The following WDFY4 variants were observed in gnomAD, a reference collection of about 807,000 sequenced individuals.
The protein encoded by WDFY4 is WD repeat- and FYVE domain-containing protein 4.
Under a neutral mutation model 351.9 loss-of-function variants are expected in WDFY4, and 169 were observed. The observed-to-expected ratio is 0.48, with a 90% CI of 0.42 to 0.55. The LOEUF is 0.55. WDFY4 is among the 20% of genes least tolerant of loss of function. The probability of loss-of-function intolerance (pLI) is 0.00; values close to 1 mark genes in which losing one functional copy is unlikely to be tolerated. For missense variants in WDFY4, 3,803 were observed against 3,935.6 expected (o/e 0.97, Z 0.90); for synonymous variants, 1,622 against 1,574.6 (o/e 1.03, Z -0.71).
intron 44 of WDFY4, among the ~76,000 whole-genome samples, chr10:48,896,235 T>G (rs1837070138): frequency 6.6e-6 from 1 of 152,210 alleles, no homozygotes; most frequent in Non-Finnish European, 1.5e-5. Context: ...CAAAGGATAT[T>G]TGCTGTGGTT....
At chr10:48,869,830 G>A (rs1247842931) in intron 40 of WDFY4, among the ~76,000 whole-genome samples, 1 of 151,956 alleles carries the variant, frequency 6.6e-6, no homozygotes, top group African/African-American at 2.4e-5. Context: ...CTCTCTTCTA[G>A]GGCCTCTAGT....
chr10:48,805,290 C>T lies in WDFY4; in HGVS notation c.4515C>T (p.His1505=). 1.9e-6 allele frequency: 3 copies of T among 1,546,290 alleles called. No individual in the cohort carries two copies. Among genetic ancestry groups the T allele is most frequent in the Non-Finnish European group, 2.6e-6 (3 of 1,146,966 alleles). Residue 1505 remains histidine (H), a synonymous_variant, in exon 26 of 62, where the codon CAC becomes CAT. Transcript: ENST00000325239. ...REGPRNAEAA[H]QAQLIPKLIF... ...GACCCAGGAATGCTGAAGCTGCCCA[C>T]CAGGCACAGCTTATACCCAAGCTCA...
At chr10:48,955,866 G>A (rs1841565709) in intron 51 of WDFY4, among the ~76,000 whole-genome samples, 1 of 152,142 alleles carries the variant, frequency 6.6e-6, no homozygotes, top group Admixed American at 6.5e-5. Flanking sequence ...CACTGCTGTG[G>A]CCCTGCCCCT....
chr10:48,805,510 T>A (rs2132871097), intron 26 of WDFY4, 89 bp downstream of exon 26: 1 of 1,458,710 alleles, frequency 6.9e-7, no homozygotes, highest in South Asian at 1.3e-5. Flanking sequence ...CCCATTGTGC[T>A]CAACCCTGAA....
At chr10:48,897,318 C>A (rs922533924) in intron 44 of WDFY4, 136 bp from the exon 45 acceptor site, 1 of 1,248,522 alleles carries the variant, frequency 8.0e-7, no homozygotes, top group Non-Finnish European at 1.1e-6. Flanking sequence ...CACTGGTTGG[C>A]AGTGACCACC....
intron 13 of WDFY4, among the ~76,000 whole-genome samples, chr10:48,773,631 G>A (rs564443680): frequency 5.3e-5 from 8 of 152,340 alleles, no homozygotes; most frequent in African/African-American, 1.7e-4. Context: ...TAAGATAAGA[G>A]CACAGCTATT....
chr10:48,950,795 A>T lies in WDFY4; in HGVS notation c.7977+3826A>T, dbSNP rs151211258. 7.9e-5 allele frequency among the ~76,000 whole-genome samples: 12 copies of T among 152,326 alleles called. No homozygotes were observed. The East Asian group carries it at 2.1e-3, about 27-fold the overall frequency. ...CACAGGTGCACAGGCATGCAGTGTG[A>T]CATGTAGGCAGTCACCCGGTACTGC... On this transcript the variant is annotated intron_variant, in intron 51 of 61. Transcript: ENST00000325239.
At chr10:48,757,089 C>A (rs1465853937) in intron 12 of WDFY4, among the ~76,000 whole-genome samples, 1 of 152,042 alleles carries the variant, frequency 6.6e-6, no homozygotes, top group Non-Finnish European at 1.5e-5. Context: ...AGGTTTTTAG[C>A]TACATATTCG....
intron 54 of WDFY4, among the ~76,000 whole-genome samples, chr10:48,964,643 G>C (rs1841998874): frequency 6.6e-6 from 1 of 152,226 alleles, no homozygotes; most frequent in South Asian, 2.1e-4. Flanking sequence ...CCTTCTACCT[G>C]CCAGGCCTCT....
Position 48,890,637 on chromosome 10 carries a change from T to G in WDFY4, c.7226T>G (p.Leu2409Arg). 6.4e-7 allele frequency: 1 copy of G among 1,551,736 alleles called. No homozygotes were observed. Among genetic ancestry groups the G allele is most frequent in the Non-Finnish European group, 8.7e-7 (1 of 1,146,994 alleles). ...GGCCACCTGGTGTCAGAAGGGGTCC[T>G]GCTTTTTGGCCACCAACACTTCTAC... ...VQGHLVSEGV[L>R]LFGHQHFYIC... Residue 2409 changes from leucine to arginine, a missense_variant, in exon 44 of 62, where the codon CTG becomes CGG. Transcript: ENST00000325239.
intron 54 of WDFY4, among the ~76,000 whole-genome samples, chr10:48,965,976 A>G (rs74514347): frequency 0.031 from 4,794 of 152,276 alleles, 78 homozygotes; most frequent in Middle Eastern, 0.082. Flanking sequence ...AAAATTTGGC[A>G]TTAGGCACAA....
intron 38 of WDFY4, 73 bp downstream of exon 38, chr10:48,830,958 T>A (rs1565249436): frequency 6.8e-7 from 1 of 1,461,456 alleles, no homozygotes; most frequent in Non-Finnish European, 9.2e-7. Context: ...AAGGTTCAAC[T>A]CAGTGCCTAG....
intron 29 of WDFY4, 89 bp downstream of exon 29, chr10:48,810,824 C>A (rs1205413230): frequency 7.6e-7 from 1 of 1,310,050 alleles, no homozygotes; most frequent in Non-Finnish European, 1.0e-6. Flanking sequence ...TTATTTGAGA[C>A]CATCACAGCT....
At chr10:48,687,865 T>A (rs2063095193) in intron 1 of WDFY4, among the ~76,000 whole-genome samples, 1 of 150,700 alleles carries the variant, frequency 6.6e-6, no homozygotes, top group Admixed American at 6.7e-5. Flanking sequence ...CACTGCAACC[T>A]CCACCTCCCA....
intron 46 of WDFY4, among the ~76,000 whole-genome samples, chr10:48,901,403 A>G (rs1448349917): frequency 6.6e-6 from 1 of 152,180 alleles, no homozygotes; most frequent in Non-Finnish European, 1.5e-5. Context: ...AAGGTGGCCT[A>G]ATGCAGACTC....
intron 12 of WDFY4, among the ~76,000 whole-genome samples, chr10:48,752,049 C>T (rs897965287): frequency 1.7e-4 from 26 of 152,154 alleles, no homozygotes; most frequent in South Asian, 2.1e-4. Flanking sequence ...CCCACAGGTC[C>T]CTTGCGAGAT....
intron 47 of WDFY4, among the ~76,000 whole-genome samples, chr10:48,907,914 C>T (rs17011437): frequency 0.13 from 19,504 of 152,204 alleles, 1,390 homozygotes; most frequent in Middle Eastern, 0.21. Context: ...GGACCAGAGG[C>T]GAACGGCACC....
intron 57 of WDFY4, among the ~76,000 whole-genome samples, chr10:48,972,070 T>A (rs1260091608): frequency 1.3e-5 from 2 of 152,166 alleles, no homozygotes; most frequent in Non-Finnish European, 2.9e-5. Context: ...CTCATAAAAA[T>A]GTAATTTATC....
chr10:48,961,260 A>C (rs943163016), intron 53 of WDFY4, among the ~76,000 whole-genome samples: 1 of 152,218 alleles, frequency 6.6e-6, no homozygotes, highest in Non-Finnish European at 1.5e-5. Flanking sequence ...CCAGAGATGA[A>C]TGTAACTGCA....
Sources: gnomAD v4.1 joint callset for allele counts (sites outside exome capture counted in the v4.1 genomes callset) on GRCh38, gnomAD v4.1.1 for gene constraint, MANE v1.5 for transcripts, NCBI Gene and HGNC (gene_info 2026-07-23, HGNC 2026-07-21) for gene names.